Variants in KCNMA1 observed in about 807,000 individuals in gnomAD.
The protein encoded by KCNMA1 is Calcium-activated potassium channel subunit alpha-1.
A neutral mutation model predicts 140.0 loss-of-function variants in KCNMA1; 29 were observed. The observed-to-expected ratio is 0.21, with a 90% CI of 0.15 to 0.28. KCNMA1 has a LOEUF of 0.28. KCNMA1 is among the 10% of genes least tolerant of loss of function. The pLI is 1.00. For missense variants in KCNMA1, 880 were observed against 1,602.2 expected, an observed-to-expected ratio of 0.55 and a Z score of 7.70; for synonymous variants, 612 against 611.9, an observed-to-expected ratio of 1.00 and a Z score of 0.00.
In KCNMA1 at chr10:77,637,420, T is replaced by C; in HGVS notation, c.223A>G (p.Met75Val). ...CCCCGGCTGTCGCACGGCACCTCCA[T>C]GGTCACCGGGATGATGAGCGCATCC... is the stretch of plus-strand genomic sequence containing the variant. ...KMDALIIPVT[M>V]EVPCDSRGQR... The change falls in exon 1 of 28, where the codon ATG (methionine) becomes GTG (valine). Residue 75 changes from methionine (M) to valine (V), a missense_variant. Met to Val is a conservative substitution (Grantham distance 21). This residue lies in a region of KCNMA1 where 31 missense variants were observed against 75.0 expected (regional missense o/e 0.41). Coordinates refer to ENST00000286628, the MANE Select transcript of KCNMA1 (RefSeq NM_001161352.2). 2.5e-6 allele frequency: 4 copies of C among 1,613,688 alleles called. No individual in the cohort carries two copies. The highest frequency in any genetic ancestry group is 3.4e-6 in the Non-Finnish European group (4 of 1,179,888).
Position 77,333,380 on chromosome 10 carries a change from GAGAGAAAGAAAGAAAGAAAGAAAAGA to G in KCNMA1, c.540+70456_540+70481del, listed in dbSNP as rs1281684644. 4.6e-5 allele frequency among the ~76,000 whole-genome samples: 6 copies of G among 131,084 alleles called. No homozygotes were observed. In the East Asian group the frequency reaches 1.3e-3, roughly 28 times the overall value. The allele number at this position is 131,084 out of a possible 152,430, so 86.0% of individuals were successfully genotyped here. A position where few individuals can be genotyped will look rare whatever the true frequency, so the allele number is the denominator to read the frequency against. On this transcript the variant is annotated intron_variant, in intron 2 of 27. Coordinates refer to ENST00000286628, the MANE Select transcript of KCNMA1 (RefSeq NM_001161352.2). ...AAAAAAAAAAGAAAAAAGAAAGAAA[GAGAGAAAGAAAGAAAGAAAGAAAAGA>G]AAAGAAAAGAAAAGAAAGAGAAGAA...
At position 76,952,002 on chromosome 10, in the gene KCNMA1, A is replaced by C. The variant is rs545754629; in HGVS notation, c.2484+1799T>G. ...CCTCCTGGAGATGTTTTGTTAAATG[A>C]TGTTATTTTTCATAGGATAGAAGTA... is the stretch of plus-strand genomic sequence containing the variant. On this transcript the variant is annotated intron_variant, in intron 21 of 27. Coordinates refer to ENST00000286628, the MANE Select transcript of KCNMA1 (RefSeq NM_001161352.2). The C allele has an allele frequency of 2.6e-6, 4 of 1,544,640 alleles. No homozygotes were observed. In the South Asian group the frequency reaches 4.8e-5, roughly 18 times the overall value.
At chr10:77,122,386 T>C (rs1329435060) in intron 5 of KCNMA1, among the ~76,000 whole-genome samples, 1 of 152,146 alleles carries the variant, frequency 6.6e-6, no homozygotes, top group African/African-American at 2.4e-5. Flanking sequence ...TTTTATTAAA[T>C]AATTGCAGAG....
Position 77,108,643 on chromosome 10 carries a change from T to TG in KCNMA1, c.1132-72dup. 1.8e-6 allele frequency: 2 copies of TG among 1,104,842 alleles called. No homozygotes were observed. Among genetic ancestry groups the TG allele is most frequent in the South Asian group, 1.2e-5 (1 of 80,298 alleles). The allele number at this position is 1,104,842 out of a possible 1,614,324, so 68.4% of individuals were successfully genotyped here. On this transcript the variant is annotated intron_variant, in intron 8 of 27. Coordinates refer to ENST00000286628, the MANE Select transcript of KCNMA1 (RefSeq NM_001161352.2). The surrounding 1 kb of genome is among the most constrained non-coding windows in gnomAD (Gnocchi z 4.6). The stretch of plus-strand genomic sequence containing the variant: ...GAAAAGGGGGGACCTGTTCAGAGGG[T>TG]GGGGGCACTAAGATCTGAAAACACA...
rs186306612 is a variant in KCNMA1 at position 77,254,220 on chromosome 10, T to C, written c.541-2964A>G. On this transcript the variant is annotated intron_variant, in intron 2 of 27. Transcript: ENST00000286628. ...GGAGGCCACTTGGAGTCATGAAATA[T>C]ACTCTTTTTTTTTTTTTTTTAGACA... is the stretch of plus-strand genomic sequence containing the variant. Among the ~76,000 whole-genome samples, 478 of 124,020 alleles carry C rather than the reference T, an allele frequency of 3.9e-3. 1 individual carries two copies. Among genetic ancestry groups the C allele is most frequent in the South Asian group, 0.014 (47 of 3,324 alleles). 81.4% of individuals were successfully genotyped at this position (124,020 alleles called of 152,430 possible).
downstream of KCNMA1, among the ~76,000 whole-genome samples, chr10:76,880,473 GT>G (rs201189145): frequency 9.1e-3 from 1,387 of 152,274 alleles, 20 homozygotes; most frequent in African/African-American, 0.031. Flanking sequence ...AAATGTGTGT[GT>G]TTTTGGAGAC....
At chr10:77,225,891 T>G (rs2051213503) in intron 3 of KCNMA1, among the ~76,000 whole-genome samples, 1 of 152,162 alleles carries the variant, frequency 6.6e-6, no homozygotes, top group South Asian at 2.1e-4. Context: ...CCCTGGGCTC[T>G]GAGTAAACAA....
intron 16 of KCNMA1, among the ~76,000 whole-genome samples, chr10:77,023,555 C>G (rs2093094697): frequency 6.6e-6 from 1 of 152,146 alleles, no homozygotes; most frequent in African/African-American, 2.4e-5. Flanking sequence ...CATGCTATGC[C>G]CAGATGAATC....
At chr10:77,463,838 A>G (rs1475335887) in intron 1 of KCNMA1, among the ~76,000 whole-genome samples, 1 of 152,160 alleles carries the variant, frequency 6.6e-6, no homozygotes, top group Non-Finnish European at 1.5e-5. Flanking sequence ...CAACATGCAA[A>G]TTAGTAACAG....
intron 16 of KCNMA1, among the ~76,000 whole-genome samples, chr10:77,025,242 G>GTATGTATA (rs1555136871): frequency 1.1e-3 from 49 of 42,760 alleles, no homozygotes; most frequent in African/African-American, 3.6e-3. Flanking sequence ...GGGTGTGTGT[G>GTATGTATA]TATATATATA....
intron 14 of KCNMA1, among the ~76,000 whole-genome samples, chr10:77,041,855 C>T (rs2094723582): frequency 6.6e-6 from 1 of 152,142 alleles, no homozygotes; most frequent in African/African-American, 2.4e-5. Context: ...TTGCTGGCAG[C>T]CAGTCAGTCA....
chr10:77,605,991 G>A (rs562708443), intron 1 of KCNMA1, among the ~76,000 whole-genome samples: 6 of 152,268 alleles, frequency 3.9e-5, no homozygotes, highest in East Asian at 3.9e-4. Context: ...CTGCCTGAAC[G>A]CAAGCAGGTG....
chr10:76,963,754 G>A (rs2072695333), intron 20 of KCNMA1, among the ~76,000 whole-genome samples: 1 of 152,240 alleles, frequency 6.6e-6, no homozygotes, highest in East Asian at 1.9e-4. Context: ...ATTTAAACAA[G>A]CAAATTAAAT....
intron 14 of KCNMA1, among the ~76,000 whole-genome samples, chr10:77,072,649 A>C (rs2096256059): frequency 6.6e-6 from 1 of 152,154 alleles, no homozygotes; most frequent in Non-Finnish European, 1.5e-5. Flanking sequence ...AGAAATAAAT[A>C]AATGAATTAT....
intron 1 of KCNMA1, among the ~76,000 whole-genome samples, chr10:77,625,240 G>T (rs190540989): frequency 6.6e-6 from 1 of 152,214 alleles, no homozygotes; most frequent in Admixed American, 6.5e-5. Flanking sequence ...AGTTAGCTGG[G>T]CGTGGTGGTG....
intron 5 of KCNMA1, among the ~76,000 whole-genome samples, chr10:77,123,210 A>C (rs970932555): frequency 6.7e-6 from 1 of 149,612 alleles, no homozygotes; most frequent in Non-Finnish European, 1.5e-5. Context: ...AAAAAAAAAA[A>C]AAAAAGTGTT....
At chr10:77,440,268 C>T (rs1172305753) in intron 1 of KCNMA1, among the ~76,000 whole-genome samples, 1 of 152,232 alleles carries the variant, frequency 6.6e-6, no homozygotes, top group Non-Finnish European at 1.5e-5. Context: ...GGTCTAAGCG[C>T]TTTGCACGTT....
intron 1 of KCNMA1, among the ~76,000 whole-genome samples, chr10:77,571,619 G>T (rs1055286622): frequency 9.9e-5 from 15 of 152,136 alleles, no homozygotes; most frequent in African/African-American, 3.4e-4. Context: ...GTCCCCTAGG[G>T]ATATATTTCT....
rs1276301313 is a variant in KCNMA1 at position 76,920,041 on chromosome 10, TATATATATATAC to T, written c.2903-5004_2903-4993del. 5.9e-3 allele frequency among the ~76,000 whole-genome samples: 699 copies of T among 119,222 alleles called. 37 individuals are homozygous for T. Among genetic ancestry groups the T allele is most frequent in the African/African-American group, 0.023 (649 of 28,502 alleles). The allele number at this position is 119,222 out of a possible 152,430, so 78.2% of individuals were successfully genotyped here. ...GTGTGTATATATATATATATATATA[TATATATATATAC>T]ACACAATATTCCTTATGTGATCATA... On this transcript the variant is annotated intron_variant, in intron 23 of 27. Transcript: ENST00000286628.
Sources: allele counts gnomAD v4.1 joint callset (sites outside exome capture counted in the v4.1 genomes callset), GRCh38; gene constraint gnomAD v4.1.1; regional missense constraint gnomAD v4.1.1; non-coding constraint Gnocchi (gnomAD v3.1); transcripts MANE v1.5; gene names NCBI Gene and HGNC (gene_info 2026-07-23, HGNC 2026-07-21).